XYLT1: variants seen among roughly 807,000 people sequenced by gnomAD.
XYLT1 encodes beta-D-xylosyltransferase 1.
A neutral mutation model predicts 91.3 loss-of-function variants in XYLT1; 36 were observed. The observed-to-expected ratio is 0.39, with a 90% CI of 0.30 to 0.52. The LOEUF is 0.52. Ranked by LOEUF, XYLT1 falls within the 20% of genes least tolerant of loss-of-function variation. The probability of loss-of-function intolerance (pLI) is 0.68; values close to 1 mark genes in which losing one functional copy is unlikely to be tolerated. For synonymous variants in XYLT1, 588 were observed against 532.0 expected, an observed-to-expected ratio of 1.11 and a Z score of -1.45; for missense variants, 1,242 against 1,284.5, an observed-to-expected ratio of 0.97 and a Z score of 0.51.
At chr16:17,222,697 T>C (rs755919457) in intron 3 of XYLT1, among the ~76,000 whole-genome samples, 1 of 142,940 alleles carries the variant, frequency 7.0e-6, no homozygotes, top group Admixed American at 7.6e-5. Flanking sequence ...GGCTGAGGCA[T>C]GAGAATCAAT....
intron 3 of XYLT1, among the ~76,000 whole-genome samples, chr16:17,214,562 TG>T (rs1292628426): frequency 6.6e-6 from 1 of 152,054 alleles, no homozygotes; most frequent in East Asian, 1.9e-4. Context: ...CCACTAAGTT[TG>T]GGGGGGTTTG....
chr16:17,116,492 A>C (rs1211094835), intron 11 of XYLT1, among the ~76,000 whole-genome samples: 4 of 152,210 alleles, frequency 2.6e-5, no homozygotes, highest in Non-Finnish European at 4.4e-5. Context: ...CATCCAAGCC[A>C]ACACATGCCC....
rs557219418 is a variant in XYLT1 at position 17,409,133 on chromosome 16, G to A, written c.364-51083C>T. Among the ~76,000 whole-genome samples the A allele has an allele frequency of 4.8e-4, 73 of 152,322 alleles. 1 individual carries two copies. In the South Asian group the frequency reaches 0.013, roughly 27 times the overall value. On this transcript the variant is annotated intron_variant, in intron 1 of 11. Coordinates refer to ENST00000261381, the MANE Select transcript of XYLT1 (RefSeq NM_022166.4). The stretch of plus-strand genomic sequence containing the variant: ...TAAAAGTGAACAGAAGGAGCAGGAA[G>A]CTGCCAAAGTGTACCAGAACCTCCT...
intron 3 of XYLT1, among the ~76,000 whole-genome samples, chr16:17,220,749 AG>A (rs1307284479): frequency 6.6e-6 from 1 of 152,236 alleles, no homozygotes; most frequent in Non-Finnish European, 1.5e-5. Flanking sequence ...TTGGGATAAC[AG>A]GTGTGAGCCA....
chr16:17,458,230 C>A (rs1322094875), intron 1 of XYLT1, among the ~76,000 whole-genome samples: 4 of 152,116 alleles, frequency 2.6e-5, no homozygotes, highest in Non-Finnish European at 1.5e-5. Flanking sequence ...CGTTGTACTG[C>A]GGTTCTGTTA....
intron 2 of XYLT1, among the ~76,000 whole-genome samples, chr16:17,283,362 G>C (rs2034085873): frequency 6.6e-6 from 1 of 152,154 alleles, no homozygotes; most frequent in South Asian, 2.1e-4. Context: ...GACACAAAGG[G>C]AAGCTGGCCA....
chr16:17,426,073 A>G (rs2141927258), intron 1 of XYLT1, among the ~76,000 whole-genome samples: 1 of 152,334 alleles, frequency 6.6e-6, no homozygotes, highest in South Asian at 2.1e-4. Context: ...TAATGACAGT[A>G]TCTATCTGTT....
chr16:17,388,646 A>C (rs1018005137), intron 1 of XYLT1, among the ~76,000 whole-genome samples: 2 of 152,218 alleles, frequency 1.3e-5, no homozygotes, highest in Non-Finnish European at 2.9e-5. Flanking sequence ...AGAAAGGAAA[A>C]ATCACACTAC....
intron 4 of XYLT1, 74 bp from the exon 5 acceptor site, chr16:17,198,488 C>T (rs2032475568): frequency 1.4e-6 from 2 of 1,459,658 alleles, no homozygotes; most frequent in African/African-American, 1.4e-5. Flanking sequence ...CACCCCTGTC[C>T]CCTCTCTGTG....
At chr16:17,193,237 G>T (rs1401162448) in intron 5 of XYLT1, 1 of 152,172 alleles carries the variant, frequency 6.6e-6, no homozygotes, top group Non-Finnish European at 1.5e-5. Flanking sequence ...GAGTAATTTG[G>T]GCATTTATCA....
chr16:17,183,065 C>T (rs544879873), intron 5 of XYLT1, among the ~76,000 whole-genome samples: 1 of 152,308 alleles, frequency 6.6e-6, no homozygotes, highest in East Asian at 1.9e-4. Context: ...ACCACTTACA[C>T]AACACACTGC....
At chr16:17,212,451 T>C (rs2032777013) in intron 3 of XYLT1, among the ~76,000 whole-genome samples, 1 of 152,098 alleles carries the variant, frequency 6.6e-6, no homozygotes, top group Admixed American at 6.5e-5. Flanking sequence ...TTGGACACCT[T>C]TTCTTTTCTT....
At position 17,236,732 on chromosome 16, in the gene XYLT1, G is replaced by A. The variant is rs1041167553; in HGVS notation, c.913+22256C>T. ...GAATTGCCGGTAATTCATGTTCCTT[G>A]GCCTTGAGATGCATCACCTGTCTTT... On this transcript the variant is annotated intron_variant, in intron 3 of 11. Coordinates refer to ENST00000261381, the MANE Select transcript of XYLT1 (RefSeq NM_022166.4). Among the ~76,000 whole-genome samples the A allele has an allele frequency of 5.3e-5, 8 of 152,102 alleles. No homozygotes were observed. The East Asian group carries it at 1.5e-3, about 29-fold the overall frequency.
chr16:17,466,121 T>C (rs2036893741), intron 1 of XYLT1, among the ~76,000 whole-genome samples: 1 of 152,208 alleles, frequency 6.6e-6, no homozygotes, highest in Admixed American at 6.5e-5. Context: ...TTTTAGTTAT[T>C]TTTTATTTTC....
At chr16:17,137,209 GA>G (rs879922518) in intron 8 of XYLT1, among the ~76,000 whole-genome samples, 2 of 151,910 alleles carry the variant, frequency 1.3e-5, no homozygotes, top group Admixed American at 6.6e-5. Context: ...GGGACTGCTG[GA>G]AAAAAACCCC....
chr16:17,301,671 G>A (rs2034397012), intron 2 of XYLT1, among the ~76,000 whole-genome samples: 2 of 152,106 alleles, frequency 1.3e-5, no homozygotes, highest in African/African-American at 2.4e-5. Context: ...TACAATAATA[G>A]ATGCAAAGGC....
At chr16:17,167,932 C>A (rs1597164915) in intron 5 of XYLT1, among the ~76,000 whole-genome samples, 1 of 152,230 alleles carries the variant, frequency 6.6e-6, no homozygotes, top group African/African-American at 2.4e-5. Context: ...GGAGGAGACA[C>A]TGCCAGTGCT....
In XYLT1 at chr16:17,340,167, T is replaced by C. The variant is rs551204204; in HGVS notation, c.402+17845A>G. 5.9e-5 allele frequency among the ~76,000 whole-genome samples: 9 copies of C among 152,104 alleles called. No homozygotes were observed. The East Asian group carries it at 1.7e-3, about 29-fold the overall frequency. On this transcript the variant is annotated intron_variant, in intron 2 of 11. Transcript: ENST00000261381. Reference sequence around the variant, plus strand: ...TCCGCCCATCCCTCCATCCAACATATATCCATCCATCTGATTCAATCTACA... The same window carrying C: ...TCCGCCCATCCCTCCATCCAACATACATCCATCCATCTGATTCAATCTACA...
chr16:17,250,799 C>T (rs889175436), intron 3 of XYLT1: 5 of 152,324 alleles, frequency 3.3e-5, no homozygotes, highest in African/African-American at 4.8e-5. Context: ...TGGGAAAGCC[C>T]GTCAACCCCA....
Sources: gnomAD v4.1 joint callset for allele counts (sites outside exome capture counted in the v4.1 genomes callset) on GRCh38, gnomAD v4.1.1 for gene constraint, MANE v1.5 for transcripts, NCBI Gene and HGNC (gene_info 2026-07-23, HGNC 2026-07-21) for gene names.